The following SEC24D variants were observed in gnomAD, a reference collection of about 807,000 sequenced individuals.
SEC24D encodes the protein protein transport protein Sec24D.
In SEC24D, 69 loss-of-function variants were observed where a neutral mutation model predicts 116.9. The observed-to-expected ratio is 0.59, with a 90% CI of 0.49 to 0.72. SEC24D has a LOEUF of 0.72. SEC24D is among the 30% of genes least tolerant of loss of function. SEC24D has a pLI of 0.00. For synonymous variants in SEC24D, 405 were observed against 442.8 expected (o/e 0.91, Z 1.07); for missense variants, 1,131 against 1,264.1 (o/e 0.89, Z 1.60).
intron 6 of SEC24D, among the ~76,000 whole-genome samples, chr4:118,814,422 G>A (rs887952931): frequency 6.6e-6 from 1 of 152,200 alleles, no homozygotes. Context: ...AGCTGCCACA[G>A]CCTACATGTA....
rs1431315971 is a variant in SEC24D, at chr4:118,731,406, G to T, written c.2778C>A (p.His926Gln). 6.2e-7 allele frequency: 1 copy of T among 1,614,072 alleles called. No homozygotes were observed. Among genetic ancestry groups the T allele is most frequent in the Non-Finnish European group, 8.5e-7 (1 of 1,179,916 alleles). ...TGCTTACTCCCAACCACAGGAACAT[G>T]TGTAGACCATTAGCCAGTAAGAATA... ...EGIFLLANGL[H>Q]MFLWLGVSSP... Residue 926 changes from histidine (H) to glutamine (Q), a missense_variant, in exon 21 of 23, where the codon CAC becomes CAA. Transcript: ENST00000280551.
intron 2 of SEC24D, among the ~76,000 whole-genome samples, chr4:118,827,156 G>C (rs1050726716): frequency 1.3e-5 from 2 of 152,172 alleles, no homozygotes; most frequent in Non-Finnish European, 2.9e-5. Context: ...CAGGGGAAAG[G>C]CTTGGTGTGG....
intron 10 of SEC24D, among the ~76,000 whole-genome samples, chr4:118,759,490 T>C: frequency 6.6e-6 from 1 of 152,226 alleles, no homozygotes; most frequent in African/African-American, 2.4e-5. Context: ...AACATGTATG[T>C]ACTCTATAAA....
At position 118,805,974 on chromosome 4, in the gene SEC24D, GA is replaced by G; in HGVS notation, c.802-21del. 1 of 1,523,308 alleles carries G rather than the reference GA, an allele frequency of 6.6e-7. No individual in the cohort carries two copies. Among genetic ancestry groups the G allele is most frequent in the South Asian group, 1.2e-5 (1 of 84,810 alleles). The allele number at this position is 1,523,308 out of a possible 1,614,324, so 94.4% of individuals were successfully genotyped here. A position where few individuals can be genotyped will look rare whatever the true frequency, so the allele number is the denominator to read the frequency against. ...CTGGATCTGATAAATAAGACATCAAGAGCCCGTTAAAGTAGGTTCCAGTTCT... is the reference window on the plus strand; with the variant it reads ...CTGGATCTGATAAATAAGACATCAAGGCCCGTTAAAGTAGGTTCCAGTTCT... On this transcript the variant is annotated intron_variant, in intron 6 of 22. Coordinates refer to ENST00000280551, the MANE Select transcript of SEC24D (RefSeq NM_014822.4).
intron 4 of SEC24D, 80 bp downstream of exon 4, chr4:118,817,184 T>C: frequency 1.6e-6 from 2 of 1,227,536 alleles, no homozygotes; most frequent in Non-Finnish European, 1.1e-6. Flanking sequence ...TACATCTATT[T>C]TAAAAATGAA....
At chr4:118,818,754 T>A (rs576043274) in intron 3 of SEC24D, among the ~76,000 whole-genome samples, 2 of 151,594 alleles carry the variant, frequency 1.3e-5, no homozygotes, top group South Asian at 2.1e-4. Flanking sequence ...ATAAAATACA[T>A]GTTGCAAGAA....
At chr4:118,783,905 G>A (rs779292084) in intron 8 of SEC24D, among the ~76,000 whole-genome samples, 1 of 152,296 alleles carries the variant, frequency 6.6e-6, no homozygotes, top group Middle Eastern at 3.4e-3. Context: ...TGCTATTGAC[G>A]TAAACACTGA....
At chr4:118,775,227 G>A (rs1332674456) in intron 8 of SEC24D, among the ~76,000 whole-genome samples, 3 of 151,306 alleles carry the variant, frequency 2.0e-5, no homozygotes, top group African/African-American at 4.9e-5. Flanking sequence ...AGTATCTCCT[G>A]TAGCACAATA....
intron 5 of SEC24D, 75 bp from the exon 6 acceptor site, chr4:118,815,230 C>A: frequency 6.5e-7 from 1 of 1,546,124 alleles, no homozygotes; most frequent in Non-Finnish European, 8.9e-7. Context: ...CGATATTATG[C>A]TGTTCAGTCA....
At chr4:118,776,063 CAAGG>C (rs1359206745) in intron 8 of SEC24D, among the ~76,000 whole-genome samples, 2 of 133,640 alleles carry the variant, frequency 1.5e-5, no homozygotes, top group African/African-American at 5.7e-5. Flanking sequence ...GAGTGGATGA[CAAGG>C]AAGAGAGATA....
At chr4:118,772,026 T>C (rs902858479) in intron 8 of SEC24D, among the ~76,000 whole-genome samples, 1 of 152,212 alleles carries the variant, frequency 6.6e-6, no homozygotes, top group African/African-American at 2.4e-5. Context: ...TCACAGATTG[T>C]ATTTCCAAAA....
At chr4:118,757,621 T>C in intron 11 of SEC24D, 100 bp downstream of exon 11, 1 of 1,104,404 alleles carries the variant, frequency 9.1e-7, no homozygotes, top group Non-Finnish European at 1.3e-6. Context: ...GTGTCCTCAT[T>C]AGCAAAAAAA....
chr4:118,751,526 C>T (rs1475378460), intron 13 of SEC24D, among the ~76,000 whole-genome samples: 2 of 152,076 alleles, frequency 1.3e-5, no homozygotes, highest in Non-Finnish European at 2.9e-5. Flanking sequence ...TGAGAATGAT[C>T]AGAGTCATTT....
At chr4:118,733,388 A>G (rs1305355674) in intron 19 of SEC24D, 1 of 152,072 alleles carries the variant, frequency 6.6e-6, no homozygotes, top group Admixed American at 6.6e-5. Flanking sequence ...ATAGTTTAAT[A>G]AAATTTTTTA....
intron 8 of SEC24D, among the ~76,000 whole-genome samples, chr4:118,771,891 T>C (rs1727920590): frequency 6.6e-6 from 1 of 151,684 alleles, no homozygotes; most frequent in African/African-American, 2.4e-5. Flanking sequence ...AGACAGTAAA[T>C]AAAAAAGTAC....
Position 118,735,246 on chromosome 4 carries a change from C to CA in SEC24D, c.2497-2335dup, listed in dbSNP as rs758783093. ...GAAAATCTAATCATGAAAACAAAACCAAAAAAATGGAGTTAAAGAATGAAA... is the reference window on the plus strand; with the variant it reads ...GAAAATCTAATCATGAAAACAAAACCAAAAAAAATGGAGTTAAAGAATGAAA... On this transcript the variant is annotated intron_variant, in intron 19 of 22. Transcript: ENST00000280551. Among the ~76,000 whole-genome samples the CA allele has an allele frequency of 2.0e-4, 30 of 151,830 alleles. No homozygotes were observed. In the East Asian group the frequency reaches 5.4e-3, roughly 27 times the overall value.
chr4:118,791,536 CCTCCTCT>C (rs1728896279), intron 8 of SEC24D, among the ~76,000 whole-genome samples: 1 of 152,044 alleles, frequency 6.6e-6, no homozygotes, highest in South Asian at 2.1e-4. Flanking sequence ...CTCCCTCCTC[CCTCCTCT>C]CTCTCCCTCC....
chr4:118,788,386 G>A (rs1224474050), intron 8 of SEC24D, among the ~76,000 whole-genome samples: 1 of 152,234 alleles, frequency 6.6e-6, no homozygotes, highest in Non-Finnish European at 1.5e-5. Flanking sequence ...ATAAGGCACA[G>A]TGGAGACCTG....
At chr4:118,736,330 T>C (rs556400292) in intron 19 of SEC24D, 133 of 159,950 alleles carry the variant, frequency 8.3e-4, no homozygotes, top group Non-Finnish European at 1.4e-3. Flanking sequence ...GCATCTATCA[T>C]ATGATCCTCA....
Sources: gnomAD v4.1 joint callset for allele counts (sites outside exome capture counted in the v4.1 genomes callset) on GRCh38, gnomAD v4.1.1 for gene constraint, MANE v1.5 for transcripts, NCBI Gene and HGNC (gene_info 2026-07-23, HGNC 2026-07-21) for gene names.